Variants in C12orf76 observed in about 807,000 individuals in gnomAD.
C12orf76 encodes the protein chromosome 12 open reading frame 76, also known as uncharacterized protein C12orf76.
Under a neutral mutation model 6.8 loss-of-function variants are expected in C12orf76, and 6 were observed. The ratio of observed to expected loss-of-function variants is 0.88; its 90% CI spans 0.48 to 1.73. C12orf76 has a LOEUF of 1.73. Ranked by LOEUF, C12orf76 falls within the 40% of genes most tolerant of loss-of-function variation. The probability of loss-of-function intolerance (pLI) is 0.01; values close to 1 mark genes in which losing one functional copy is unlikely to be tolerated. For missense variants in C12orf76, 99 were observed against 98.2 expected, an observed-to-expected ratio of 1.01 and a Z score of -0.03; for synonymous variants, 56 against 43.7, an observed-to-expected ratio of 1.28 and a Z score of -1.11.
At chr12:110,055,239 A>C (rs1219569564) in intron 4 of C12orf76, among the ~76,000 whole-genome samples, 1 of 145,504 alleles carries the variant, frequency 6.9e-6, no homozygotes, top group Non-Finnish European at 1.5e-5. Flanking sequence ...TTTGAGACAG[A>C]GTCTCCCTCT....
At chr12:110,068,362 C>T (rs1221460785), upstream of C12orf76, among the ~76,000 whole-genome samples, 6 of 151,348 alleles carry the variant, frequency 4.0e-5, no homozygotes, top group Non-Finnish European at 8.8e-5. Flanking sequence ...GGAACCAAGA[C>T]GTAGGGAGAG....
At chr12:110,045,319 G>A (rs574817133) in intron 1 of C12orf76, among the ~76,000 whole-genome samples, 2 of 152,330 alleles carry the variant, frequency 1.3e-5, no homozygotes, top group East Asian at 1.9e-4. Flanking sequence ...TCGGCTGTGC[G>A]CAGCGGCTCA....
chr12:110,067,951 C>T (rs953270950), upstream of C12orf76, among the ~76,000 whole-genome samples: 1 of 152,046 alleles, frequency 6.6e-6, no homozygotes, highest in African/African-American at 2.4e-5. Flanking sequence ...GTGGCTCACG[C>T]CTGTAATCCC....
chr12:110,059,939 C>A (rs1387319416), intron 2 of C12orf76, among the ~76,000 whole-genome samples: 1 of 152,316 alleles, frequency 6.6e-6, no homozygotes, highest in East Asian at 1.9e-4. Context: ...CAGAGCAGAA[C>A]AAGCTTTCCT....
exon 3 of C12orf76, chr12:110,059,002 C>T (rs775564064): frequency 7.1e-6 from 11 of 1,547,830 alleles, no homozygotes; most frequent in Middle Eastern, 1.7e-4. Flanking sequence ...ACCTAATAGC[C>T]GAACAAACTG....
chr12:110,069,348 G>A (rs1451891852), upstream of C12orf76, among the ~76,000 whole-genome samples: 4 of 152,172 alleles, frequency 2.6e-5, no homozygotes, highest in East Asian at 1.9e-4. Context: ...GCTGAGACAG[G>A]AGAATGGCCG....
At chr12:110,062,469 TA>T (rs2137234904) in intron 2 of C12orf76, among the ~76,000 whole-genome samples, 1 of 152,208 alleles carries the variant, frequency 6.6e-6, no homozygotes, top group Non-Finnish European at 1.5e-5. Flanking sequence ...GGGCTCTTAC[TA>T]GGCTGATGAA....
intron 2 of C12orf76, among the ~76,000 whole-genome samples, chr12:110,064,826 G>C (rs947958470): frequency 3.9e-5 from 6 of 152,164 alleles, no homozygotes; most frequent in African/African-American, 4.8e-5. Flanking sequence ...GGAGGGCTGA[G>C]AGGCTCCAGT....
chr12:110,048,520 GA>G lies in C12orf76; in HGVS notation c.-26del. 9 of 1,394,628 alleles carry G rather than the reference GA, an allele frequency of 6.5e-6. No individual in the cohort carries two copies. The highest frequency in any genetic ancestry group is 8.4e-6 in the Non-Finnish European group (9 of 1,075,564). The allele number at this position is 1,394,628 out of a possible 1,614,324, so 86.4% of individuals were successfully genotyped here. ...TCTTCCCCAGCCCTGCAGAAGCAGA[GA>G]GGCCACTTCCGTCGCAAGCCCTGCC... On this transcript the variant is annotated 5_prime_UTR_variant, in exon 1 of 2. Transcript: ENST00000615315.
At chr12:110,055,172 GAGATCC>G (rs1364036261) in intron 4 of C12orf76, among the ~76,000 whole-genome samples, 1 of 151,762 alleles carries the variant, frequency 6.6e-6, no homozygotes, top group African/African-American at 2.4e-5. Flanking sequence ...TAAGAGGTAA[GAGATCC>G]AGATTTGAGG....
chr12:110,059,606 C>A (rs1436056011), intron 2 of C12orf76, among the ~76,000 whole-genome samples: 1 of 152,218 alleles, frequency 6.6e-6, no homozygotes, highest in Non-Finnish European at 1.5e-5. Flanking sequence ...TGCACATTTT[C>A]TATCTGAGTT....
At chr12:110,071,688 C>A (rs1303442246), upstream of C12orf76, among the ~76,000 whole-genome samples, 1 of 151,976 alleles carries the variant, frequency 6.6e-6, no homozygotes, top group Non-Finnish European at 1.5e-5. Context: ...TCATCATCAA[C>A]ATCATCATCA....
rs1593248857 is a variant in C12orf76, at chr12:110,058,887, A to G, written n.556+101T>C. 1.3e-5 allele frequency: 17 copies of G among 1,328,274 alleles called. 1 individual carries two copies. The South Asian group carries it at 2.8e-4, about 22-fold the overall frequency. 82.3% of individuals were successfully genotyped at this position (1,328,274 alleles called of 1,614,324 possible). On this transcript the variant is annotated intron_variant and non_coding_transcript_variant, in intron 3 of 4. Transcript: ENST00000309050. The stretch of plus-strand genomic sequence containing the variant: ...TTACCATGTGCCAACCACTCTTCTA[A>G]GTCTATTTTGCTGACATATATTAAC...
At chr12:110,051,433 A>AT (rs987650215), upstream of C12orf76, 10,569 of 437,744 alleles carry the variant, frequency 0.024, no homozygotes, top group East Asian at 0.029. Flanking sequence ...CCCCAATCTC[A>AT]TTTTTTTTTT....
At chr12:110,063,334 G>A (rs1892806643) in intron 2 of C12orf76, among the ~76,000 whole-genome samples, 1 of 151,594 alleles carries the variant, frequency 6.6e-6, no homozygotes, top group South Asian at 2.1e-4. Context: ...CCCAGGGTGG[G>A]GTGCAGTGGT....
chr12:110,063,730 C>T lies in C12orf76; in HGVS notation n.380+2130G>A, dbSNP rs560422965. ...GCAATGCCCGCCTCCCAGGTTCAAG[C>T]GATTCTCCAGCCTCAGGCTCCCAAG... On this transcript the variant is annotated intron_variant and non_coding_transcript_variant, in intron 2 of 4. Coordinates refer to the C12orf76 transcript ENST00000309050. 5.4e-4 allele frequency among the ~76,000 whole-genome samples: 81 copies of T among 150,926 alleles called. No homozygotes were observed. In the South Asian group the frequency reaches 0.011, roughly 21 times the overall value.
rs916010459 is a variant in C12orf76 at position 110,041,734 on chromosome 12, T to G, written c.*640A>C. 6.5e-6 allele frequency: 1 copy of G among 152,960 alleles called. No individual in the cohort carries two copies. Among genetic ancestry groups the G allele is most frequent in the Non-Finnish European group, 1.5e-5 (1 of 68,632 alleles). 9.5% of individuals were successfully genotyped at this position (152,960 alleles called of 1,614,324 possible). On this transcript the variant is annotated 3_prime_UTR_variant, in exon 2 of 2. Coordinates refer to ENST00000615315, the MANE Select transcript of C12orf76 (RefSeq NM_001389625.1). ...TTGTAACAGGCCAACCTAGTAACAT[T>G]TCCAGTCCAACTTCAGAGCATTCCA...
chr12:110,072,485 G>A (rs1892970561), upstream of C12orf76, among the ~76,000 whole-genome samples: 1 of 151,788 alleles, frequency 6.6e-6, no homozygotes, highest in South Asian at 2.1e-4. Flanking sequence ...AAAGGAGTGT[G>A]GGTTTTTTTT....
In C12orf76 at chr12:110,065,956, TCTTCTC is replaced by T. The variant is rs548532897; in HGVS notation, n.278_283del. On this transcript the variant is annotated non_coding_transcript_exon_variant, in exon 2 of 5. Transcript: ENST00000309050. ...GGTCCCGTGTATCACGTGGCTGGAT[TCTTCTC>T]CTTCTATGGGGTCACCTCCAGAACT... 1.7e-3 allele frequency: 2,679 copies of T among 1,613,730 alleles called. 14 individuals carry two copies. The highest frequency in any genetic ancestry group is 2.5e-3 in the Middle Eastern group (15 of 6,062).
Sources: allele counts gnomAD v4.1 joint callset (sites outside exome capture counted in the v4.1 genomes callset), GRCh38; gene constraint gnomAD v4.1.1; transcripts MANE v1.5; gene names NCBI Gene and HGNC (gene_info 2026-07-23, HGNC 2026-07-21).